The following TMPRSS15 variants were observed in gnomAD, a reference collection of about 807,000 sequenced individuals.
The protein encoded by TMPRSS15 is transmembrane serine protease 15, also known as enteropeptidase.
A neutral mutation model predicts 125.3 loss-of-function variants in TMPRSS15; 128 were observed. That is an observed-to-expected ratio of 1.02 (90% CI 0.89 to 1.18). The LOEUF is 1.18. Among genes scored for constraint, TMPRSS15 ranks in the 50% most tolerant of loss-of-function variants. TMPRSS15 has a pLI of 0.00. For synonymous variants in TMPRSS15, 446 were observed against 423.2 expected (o/e 1.05, Z -0.66); for missense variants, 1,283 against 1,212.7 (o/e 1.06, Z -0.86).
intron 14 of TMPRSS15, among the ~76,000 whole-genome samples, chr21:18,330,267 A>G (rs1394782935): frequency 6.6e-6 from 1 of 152,092 alleles, no homozygotes; most frequent in Admixed American, 6.6e-5. Context: ...AAATCACTAT[A>G]GTTTCTCATC....
chr21:18,477,965 T>G (rs1731976688), intron 1 of TMPRSS15, among the ~76,000 whole-genome samples: 2 of 152,092 alleles, frequency 1.3e-5, no homozygotes, highest in Non-Finnish European at 1.5e-5. Context: ...GGACTTGAGG[T>G]GGCAAAAGTA....
chr21:18,433,842 C>T (rs950503259), intron 1 of TMPRSS15, among the ~76,000 whole-genome samples: 2 of 151,942 alleles, frequency 1.3e-5, no homozygotes, highest in African/African-American at 4.8e-5. Context: ...TGCAGATAAA[C>T]TGTAATTAAC....
At chr21:18,320,528 T>A (rs1379981470) in intron 16 of TMPRSS15, among the ~76,000 whole-genome samples, 4 of 152,198 alleles carry the variant, frequency 2.6e-5, no homozygotes, top group African/African-American at 9.7e-5. Flanking sequence ...AATATCTGAA[T>A]TAAAATTTAA....
Position 18,288,282 on chromosome 21 carries a change from T to C in TMPRSS15, c.2486+5988A>G, listed in dbSNP as rs572393254. On this transcript the variant is annotated intron_variant, in intron 21 of 24. Coordinates refer to ENST00000284885, the MANE Select transcript of TMPRSS15 (RefSeq NM_002772.3). The stretch of plus-strand genomic sequence containing the variant: ...CCACTTATAAGTGGGAGCCAAATAA[T>C]GTATAGTGGACATAAAGTGTGGAAT... Among the ~76,000 whole-genome samples, 11 of 152,202 alleles carry C rather than the reference T, an allele frequency of 7.2e-5. No individual in the cohort carries two copies. The South Asian group carries it at 1.7e-3, about 23-fold the overall frequency.
intron 1 of TMPRSS15, among the ~76,000 whole-genome samples, chr21:18,425,696 ATGT>A: frequency 6.6e-6 from 1 of 152,228 alleles, no homozygotes; most frequent in East Asian, 1.9e-4. Context: ...AAAGCTTCAA[ATGT>A]TGTGAATAAT....
chr21:18,437,870 T>C (rs1321231159), intron 1 of TMPRSS15, among the ~76,000 whole-genome samples: 1 of 151,952 alleles, frequency 6.6e-6, no homozygotes, highest in Non-Finnish European at 1.5e-5. Context: ...ACTTTTACAC[T>C]GTTGGTGGGA....
Position 18,269,961 on chromosome 21 carries a change from G to T in TMPRSS15, c.*8C>A. 1 of 1,613,588 alleles carries T rather than the reference G, an allele frequency of 6.2e-7. No individual in the cohort carries two copies. The highest frequency in any genetic ancestry group is 1.1e-5 in the South Asian group (1 of 91,078). ...AATGCGACTTTCCTGTTTAGTTTAA[G>T]AAATGCGCTAATGTAGAAAACTTTG... On this transcript the variant is annotated 3_prime_UTR_variant, in exon 25 of 25. Transcript: ENST00000284885.
intron 1 of TMPRSS15, among the ~76,000 whole-genome samples, chr21:18,435,371 T>C (rs1310400891): frequency 6.6e-6 from 1 of 152,220 alleles, no homozygotes; most frequent in African/African-American, 2.4e-5. Flanking sequence ...AGGCCTTTTC[T>C]GCATCTATGG....
chr21:18,466,579 C>G (rs1449065082), intron 1 of TMPRSS15, among the ~76,000 whole-genome samples: 1 of 151,706 alleles, frequency 6.6e-6, no homozygotes, highest in Non-Finnish European at 1.5e-5. Flanking sequence ...AAAAAAACAA[C>G]CCCATCAAAA....
intron 1 of TMPRSS15, among the ~76,000 whole-genome samples, chr21:18,412,129 G>C (rs1363867031): frequency 6.6e-6 from 1 of 152,124 alleles, no homozygotes. Context: ...TCAGATTGTT[G>C]TGCCAGCCAC....
intron 7 of TMPRSS15, among the ~76,000 whole-genome samples, chr21:18,364,812 C>A (rs1200724484): frequency 2.6e-5 from 4 of 152,042 alleles, no homozygotes; most frequent in Admixed American, 2.0e-4. Flanking sequence ...GCAGAAGATG[C>A]GAAATTCTAC....
intron 21 of TMPRSS15, 112 bp from the exon 22 acceptor site, chr21:18,281,333 A>C (rs2074696207): frequency 1.3e-5 from 12 of 936,794 alleles, no homozygotes; most frequent in Non-Finnish European, 1.4e-5. Context: ...ATGTTCTTTA[A>C]TTTCTCTGAA....
intron 3 of TMPRSS15, among the ~76,000 whole-genome samples, chr21:18,388,143 G>T (rs182908388): frequency 1.1e-4 from 16 of 152,152 alleles, no homozygotes; most frequent in Non-Finnish European, 1.9e-4. Flanking sequence ...CCTTTGCATT[G>T]CACTTTTCAA....
rs2122954713 is a variant in TMPRSS15, at chr21:18,464,575, G to T, written c.10+21224C>A. Among the ~76,000 whole-genome samples the T allele has an allele frequency of 3.2e-4, 48 of 152,142 alleles. No individual in the cohort carries two copies. In the South Asian group the frequency reaches 1.0e-2, roughly 32 times the overall value. On this transcript the variant is annotated intron_variant, in intron 1 of 7. Transcript: ENST00000422787. ...AAACACAATAAAATATGATAAAGGG[G>T]ATATCACCACCAACCCCATAGAAAT... is the stretch of plus-strand genomic sequence containing the variant.
Position 18,341,479 on chromosome 21 carries a change from CAT to C in TMPRSS15, c.1496_1497del (p.Tyr499TrpfsTer30), listed in dbSNP as rs2075445260. 2 of 1,614,116 alleles carry C rather than the reference CAT, an allele frequency of 1.2e-6. No individual in the cohort carries two copies. The highest frequency in any genetic ancestry group is 1.7e-6 in the Non-Finnish European group (2 of 1,179,994). On this transcript the variant is annotated frameshift_variant, in exon 13 of 25. Coordinates refer to ENST00000284885, the MANE Select transcript of TMPRSS15 (RefSeq NM_002772.3). LOFTEE classifies it high-confidence loss of function. ...GGATAAAGACTCCCATTGCAAATCC[CAT>C]ATGTTAGGCTAATGTCATCCAACGC... is the stretch of plus-strand genomic sequence containing the variant. ...DIALDDISLT[Y>X]GICNGSLYPE...
At chr21:18,283,876 A>G (rs192883145) in intron 21 of TMPRSS15, among the ~76,000 whole-genome samples, 15 of 152,156 alleles carry the variant, frequency 9.9e-5, no homozygotes, top group African/African-American at 3.6e-4. Flanking sequence ...GATATGAGAG[A>G]GCTTGTAGGT....
intron 3 of TMPRSS15, among the ~76,000 whole-genome samples, chr21:18,395,418 C>T (rs965041999): frequency 6.6e-6 from 1 of 152,152 alleles, no homozygotes. Flanking sequence ...TAATCTAAAA[C>T]TTCACAAACC....
chr21:18,272,185 C>T (rs1285301531), intron 24 of TMPRSS15, among the ~76,000 whole-genome samples: 5 of 152,312 alleles, frequency 3.3e-5, no homozygotes, highest in African/African-American at 1.2e-4. Context: ...CCCACCAACA[C>T]TGTAAAAGTG....
intron 1 of TMPRSS15, among the ~76,000 whole-genome samples, chr21:18,472,494 CAT>C (rs1978801979): frequency 6.8e-6 from 1 of 147,662 alleles, no homozygotes; most frequent in Non-Finnish European, 1.5e-5. Context: ...CACACACACA[CAT>C]ACACACACAT....
Sources: allele counts gnomAD v4.1 joint callset (sites outside exome capture counted in the v4.1 genomes callset), GRCh38; gene constraint gnomAD v4.1.1; transcripts MANE v1.5; gene names NCBI Gene and HGNC (gene_info 2026-07-23, HGNC 2026-07-21).